PRUNE2: variants seen among roughly 807,000 people sequenced by gnomAD.
The protein encoded by PRUNE2 is protein prune homolog 2.
In PRUNE2, 164 loss-of-function variants were observed where a neutral mutation model predicts 252.0. That is an observed-to-expected ratio of 0.65 (90% CI 0.57 to 0.74). The LOEUF is 0.74. PRUNE2 is among the 30% of genes least tolerant of loss of function. The pLI, the probability that PRUNE2 is intolerant of heterozygous loss-of-function variation, is 0.00. For missense variants in PRUNE2, 3,495 were observed against 3,711.0 expected, an observed-to-expected ratio of 0.94 and a Z score of 1.51; for synonymous variants, 1,292 against 1,350.2, an observed-to-expected ratio of 0.96 and a Z score of 0.94.
At position 76,862,851 on chromosome 9, in the gene PRUNE2, A is replaced by C. The variant is rs530709820; in HGVS notation, c.37-8643T>G. 10 of 152,292 alleles carry C rather than the reference A, an allele frequency of 6.6e-5. No individual in the cohort carries two copies. In the South Asian group the frequency reaches 2.1e-3, roughly 32 times the overall value. 9.4% of individuals were successfully genotyped at this position (152,292 alleles called of 1,614,324 possible). A position where few individuals can be genotyped will look rare whatever the true frequency, so the allele number is the denominator to read the frequency against. The stretch of plus-strand genomic sequence containing the variant: ...AATATTTTTTAACTTCTCTTTTCAA[A>C]ATTAACAGCCCTCTAAGCATTCTTT... On this transcript the variant is annotated intron_variant, in intron 1 of 18. Coordinates refer to ENST00000376718, the MANE Select transcript of PRUNE2 (RefSeq NM_015225.3).
intron 6 of PRUNE2, chr9:76,788,477 G>C (rs1013351792): frequency 1.4e-5 from 10 of 729,746 alleles, no homozygotes; most frequent in Non-Finnish European, 2.6e-5. Flanking sequence ...TTCCTGGATT[G>C]AAAGGCGTCT....
At chr9:76,830,753 G>T (rs1005549384) in intron 4 of PRUNE2, among the ~76,000 whole-genome samples, 1 of 149,694 alleles carries the variant, frequency 6.7e-6, no homozygotes, top group Non-Finnish European at 1.5e-5. Context: ...TAGTAAAACT[G>T]CTAAAAAAAT....
intron 6 of PRUNE2, among the ~76,000 whole-genome samples, chr9:76,769,630 G>C (rs1242279322): frequency 1.3e-5 from 2 of 152,118 alleles, no homozygotes; most frequent in African/African-American, 4.8e-5. Flanking sequence ...TCTCCATGTT[G>C]GTCAGGCTGG....
At chr9:76,904,108 T>A (rs911349252) in intron 1 of PRUNE2, among the ~76,000 whole-genome samples, 19 of 152,222 alleles carry the variant, frequency 1.2e-4, no homozygotes, top group African/African-American at 4.3e-4. Context: ...TGTGGCTGGA[T>A]GTGAAAGGTT....
intron 9 of PRUNE2, among the ~76,000 whole-genome samples, chr9:76,664,442 A>G (rs568499938): frequency 6.6e-6 from 1 of 151,966 alleles, no homozygotes; most frequent in African/African-American, 2.4e-5. Context: ...TAGCTAATAC[A>G]CTCTTGAATT....
intron 1 of PRUNE2, among the ~76,000 whole-genome samples, chr9:76,879,904 T>TATATATATATATATATATATATATATA (rs1491404618): frequency 4.6e-5 from 2 of 43,846 alleles, no homozygotes; most frequent in African/African-American, 2.8e-4. Flanking sequence ...TATATATATA[T>TATATATATATATATATATATATATATA]TTTTTTTTTT....
At chr9:76,840,791 G>A (rs1186445569) in intron 4 of PRUNE2, among the ~76,000 whole-genome samples, 1 of 152,170 alleles carries the variant, frequency 6.6e-6, no homozygotes, top group Admixed American at 6.5e-5. Context: ...GACCAGCCTG[G>A]CCAACATGGC....
At chr9:76,861,199 G>A (rs1405517643) in intron 1 of PRUNE2, among the ~76,000 whole-genome samples, 1 of 152,200 alleles carries the variant, frequency 6.6e-6, no homozygotes, top group Admixed American at 6.5e-5. Context: ...CAGCTCTGCT[G>A]TGCAGGGATA....
chr9:76,723,190 G>A (rs550563615), intron 6 of PRUNE2, among the ~76,000 whole-genome samples: 2 of 152,332 alleles, frequency 1.3e-5, no homozygotes, highest in African/African-American at 4.8e-5. Context: ...GAAGAATGTT[G>A]TGATATTCTT....
intron 6 of PRUNE2, among the ~76,000 whole-genome samples, chr9:76,763,811 G>A (rs537891432): frequency 6.6e-6 from 1 of 150,938 alleles, no homozygotes; most frequent in East Asian, 1.9e-4. Context: ...GAAGCATGGG[G>A]AAGAGGGAGC....
chr9:76,893,339 T>C (rs753096752), intron 1 of PRUNE2, among the ~76,000 whole-genome samples: 17 of 152,210 alleles, frequency 1.1e-4, no homozygotes, highest in Non-Finnish European at 2.2e-4. Context: ...TTAAAATAAC[T>C]CACAGTTACA....
intron 6 of PRUNE2, among the ~76,000 whole-genome samples, chr9:76,769,868 C>CATT (rs2052898942): frequency 6.6e-6 from 1 of 152,172 alleles, no homozygotes; most frequent in Non-Finnish European, 1.5e-5. Context: ...TTACCCTGAA[C>CATT]ATTCTGTCAT....
At chr9:76,819,713 C>T (rs1564370922) in intron 6 of PRUNE2, among the ~76,000 whole-genome samples, 1 of 152,174 alleles carries the variant, frequency 6.6e-6, no homozygotes, top group Non-Finnish European at 1.5e-5. Flanking sequence ...CTAATAATGA[C>T]TAACAGTCTT....
chr9:76,795,257 A>T (rs1217633070), intron 6 of PRUNE2, among the ~76,000 whole-genome samples: 2 of 148,200 alleles, frequency 1.3e-5, no homozygotes, highest in African/African-American at 5.2e-5. Context: ...TCTGCCTTCT[A>T]GATAATGCTA....
Position 76,612,660 on chromosome 9 carries a change from T to C in PRUNE2, c.*1910A>G, listed in dbSNP as rs1827801529. On this transcript the variant is annotated 3_prime_UTR_variant, in exon 19 of 19. Transcript: ENST00000376718. The stretch of plus-strand genomic sequence containing the variant: ...GGAGGAGATCCAACAGAACATACAA[T>C]TCAACAAGATACTCGCTTGAAAGGA... The C allele has an allele frequency of 2.0e-5, 3 of 152,036 alleles. No homozygotes were observed. In the South Asian group the frequency reaches 6.2e-4, roughly 32 times the overall value. The allele number at this position is 152,036 out of a possible 1,614,324, so 9.4% of individuals were successfully genotyped here.
At position 76,706,659 on chromosome 9, in the gene PRUNE2, A is replaced by G. The variant is rs779922379; in HGVS notation, c.5615T>C (p.Val1872Ala). 6 of 1,613,680 alleles carry G rather than the reference A, an allele frequency of 3.7e-6. No homozygotes were observed. The East Asian group carries it at 1.3e-4, about 36-fold the overall frequency. ...HQNASPWGVP[V>A]QGDIEPVETH... is the part of the protein sequence containing the mutation. ...TTCCACGGGCTCAATATCACCCTGA[A>G]CTGGTACTCCCCAGGGACTGGCATT... is the stretch of plus-strand genomic sequence containing the variant. The change falls in exon 8 of 19, where the codon GTT becomes GCT. Residue 1872 changes from valine (V) to alanine (A), a missense_variant. Transcript: ENST00000376718.
chr9:76,712,849 T>C (rs1250562214), intron 7 of PRUNE2, among the ~76,000 whole-genome samples: 4 of 152,050 alleles, frequency 2.6e-5, no homozygotes, highest in Non-Finnish European at 5.9e-5. Context: ...AGTGGAGCTC[T>C]TGGGGGACAG....
At chr9:76,763,220 G>C (rs929174333) in intron 6 of PRUNE2, among the ~76,000 whole-genome samples, 2 of 152,194 alleles carry the variant, frequency 1.3e-5, no homozygotes, top group Admixed American at 6.5e-5. Flanking sequence ...ATGAGATCTT[G>C]AGCAAGTTAC....
intron 6 of PRUNE2, chr9:76,817,824 C>T (rs2057784721): frequency 6.6e-6 from 1 of 152,146 alleles, no homozygotes; most frequent in South Asian, 2.1e-4. Context: ...AATGCTTACT[C>T]AACTGCCAGG....
Sources: gnomAD v4.1 joint callset for allele counts (sites outside exome capture counted in the v4.1 genomes callset) on GRCh38, gnomAD v4.1.1 for gene constraint, MANE v1.5 for transcripts, NCBI Gene and HGNC (gene_info 2026-07-23, HGNC 2026-07-21) for gene names.